Variants in SGCE observed in about 807,000 individuals in gnomAD.
SGCE encodes the protein epsilon-sarcoglycan.
In SGCE, 26 loss-of-function variants were observed where a neutral mutation model predicts 57.8. The observed-to-expected ratio is 0.45, with a 90% confidence interval of 0.33 to 0.62. The LOEUF (loss-of-function observed/expected upper bound fraction) is 0.62. Ranked by LOEUF, SGCE falls within the 20% of genes least tolerant of loss-of-function variation. SGCE has a pLI of 0.02. For missense variants in SGCE, 468 were observed against 548.6 expected, an observed-to-expected ratio of 0.85 and a Z score of 1.47; for synonymous variants, 183 against 189.5, an observed-to-expected ratio of 0.97 and a Z score of 0.28.
At chr7:94,631,355 G>A (rs1015402146) in intron 1 of SGCE, among the ~76,000 whole-genome samples, 1 of 151,694 alleles carries the variant, frequency 6.6e-6, no homozygotes, top group African/African-American at 2.4e-5. Context: ...GGTGCTATGG[G>A]GAATATGAAG....
At chr7:94,627,991 T>C (rs965253832) in intron 3 of SGCE, 1 of 520,374 alleles carries the variant, frequency 1.9e-6, no homozygotes, top group Non-Finnish European at 3.4e-6. Context: ...TAGACTGTCA[T>C]TTTTAATATA....
chr7:94,638,409 C>T (rs1022899692), intron 1 of SGCE, among the ~76,000 whole-genome samples: 14 of 152,110 alleles, frequency 9.2e-5, no homozygotes, highest in African/African-American at 3.4e-4. Context: ...TGCCCAACTT[C>T]AGAGATGTAT....
At chr7:94,591,988 A>C (rs980897090) in intron 9 of SGCE, among the ~76,000 whole-genome samples, 27 of 152,162 alleles carry the variant, frequency 1.8e-4, no homozygotes, top group African/African-American at 6.5e-4. Context: ...AGTTATATTA[A>C]AAATGCTTGT....
chr7:94,641,795 T>C (rs1169826504), intron 1 of SGCE, among the ~76,000 whole-genome samples: 1 of 152,078 alleles, frequency 6.6e-6, no homozygotes. Context: ...CAGATTATTA[T>C]TATTATTAGT....
At chr7:94,591,213 G>A (rs983941441) in intron 9 of SGCE, among the ~76,000 whole-genome samples, 2 of 152,156 alleles carry the variant, frequency 1.3e-5, no homozygotes, top group Non-Finnish European at 2.9e-5. Flanking sequence ...GAGGGAATAA[G>A]TTCTACATTT....
In SGCE at chr7:94,597,043, A is replaced by G. The variant is rs73222126; in HGVS notation, c.1253+1732T>C. Among the ~76,000 whole-genome samples the G allele has an allele frequency of 8.7e-3, 1,331 of 152,228 alleles. 15 individuals carry two copies. Among genetic ancestry groups the G allele is most frequent in the Middle Eastern group, 0.01 (3 of 294 alleles). Reference sequence around the variant, plus strand: ...AATTTTACCAATTTTTCTCATCAGTATCTAATCCCGGTAAACTGGGTTTTA... The same window carrying G: ...AATTTTACCAATTTTTCTCATCAGTGTCTAATCCCGGTAAACTGGGTTTTA... On this transcript the variant is annotated intron_variant, in intron 9 of 10. Coordinates refer to ENST00000648936, the MANE Select transcript of SGCE (RefSeq NM_003919.3).
chr7:94,623,272 A>G, intron 4 of SGCE, 53 bp downstream of exon 4: 1 of 1,128,854 alleles, frequency 8.9e-7, no homozygotes, highest in Non-Finnish European at 1.3e-6. Context: ...GTTATAAAAC[A>G]TAATGAAATA....
chr7:94,608,735 A>G (rs1194342684), intron 5 of SGCE, among the ~76,000 whole-genome samples: 1 of 152,244 alleles, frequency 6.6e-6, no homozygotes, highest in Non-Finnish European at 1.5e-5. Context: ...AAATAGATCA[A>G]TGAAACAGAA....
intron 5 of SGCE, among the ~76,000 whole-genome samples, chr7:94,615,846 C>G (rs1801849587): frequency 6.6e-6 from 1 of 152,178 alleles, no homozygotes; most frequent in South Asian, 2.1e-4. Flanking sequence ...TGCTCTTCTT[C>G]CCACCAGCTT....
chr7:94,625,301 G>A (rs1803516662), intron 3 of SGCE: 1 of 151,862 alleles, frequency 6.6e-6, no homozygotes, highest in Admixed American at 6.6e-5. Context: ...ATAAATGAAT[G>A]TGAAAATGAG....
chr7:94,628,686 T>A, intron 2 of SGCE: 1 of 287,086 alleles, frequency 3.5e-6, no homozygotes, highest in Non-Finnish European at 6.7e-6. Flanking sequence ...ATCATGCTAA[T>A]GTACTCATTC....
chr7:94,587,295 T>C, intron 10 of SGCE: 1 of 991,258 alleles, frequency 1.0e-6, no homozygotes, highest in African/African-American at 1.7e-5. Flanking sequence ...TCTACTCAAG[T>C]TTCCTAATTC....
At chr7:94,643,499 G>A (rs186932618) in intron 1 of SGCE, among the ~76,000 whole-genome samples, 20 of 152,208 alleles carry the variant, frequency 1.3e-4, no homozygotes, top group Non-Finnish European at 2.2e-4. Context: ...AGTTTGTATT[G>A]ATCCAGATGA....
chr7:94,611,434 G>T (rs1039068835), intron 5 of SGCE, among the ~76,000 whole-genome samples: 1 of 140,320 alleles, frequency 7.1e-6, no homozygotes, highest in East Asian at 2.3e-4. Context: ...AAAATGTCCA[G>T]AATAGGCACA....
At chr7:94,622,656 A>G (rs1802992944) in intron 4 of SGCE, 1 of 151,898 alleles carries the variant, frequency 6.6e-6, no homozygotes, top group South Asian at 2.1e-4. Context: ...AAAATTAACT[A>G]CAAAGTATTT....
chr7:94,621,255 G>A (rs575913150), intron 4 of SGCE: 42 of 152,334 alleles, frequency 2.8e-4, no homozygotes, highest in African/African-American at 1.0e-3. Context: ...AAGGACAAAT[G>A]CATGGACTTT....
intron 5 of SGCE, among the ~76,000 whole-genome samples, chr7:94,614,448 C>T (rs958531306): frequency 1.3e-5 from 2 of 152,200 alleles, no homozygotes; most frequent in Admixed American, 1.3e-4. Flanking sequence ...TAACTTTTCC[C>T]AGAAGACAAC....
At chr7:94,595,575 C>A (rs998507000) in intron 9 of SGCE, among the ~76,000 whole-genome samples, 1 of 152,142 alleles carries the variant, frequency 6.6e-6, no homozygotes, top group Non-Finnish European at 1.5e-5. Context: ...TTATTGAGTA[C>A]TGTAATGCCT....
chr7:94,595,717 G>T (rs1798296057), intron 9 of SGCE, among the ~76,000 whole-genome samples: 1 of 152,038 alleles, frequency 6.6e-6, no homozygotes, highest in South Asian at 2.1e-4. Flanking sequence ...AAAAGTAAAA[G>T]TTGAATTTGC....
Sources: gnomAD v4.1 joint callset for allele counts (sites outside exome capture counted in the v4.1 genomes callset) on GRCh38, gnomAD v4.1.1 for gene constraint, MANE v1.5 for transcripts, NCBI Gene and HGNC (gene_info 2026-07-23, HGNC 2026-07-21) for gene names.